TGFBR1: variants seen among roughly 807,000 people sequenced by gnomAD.
The protein encoded by TGFBR1 is TGF-beta receptor type-1.
A neutral mutation model predicts 55.1 loss-of-function variants in TGFBR1; 20 were observed. That is an observed-to-expected ratio of 0.36 (90% CI 0.26 to 0.53). The LOEUF is 0.53. TGFBR1 is among the 20% of genes least tolerant of loss of function. The pLI is 0.91. For missense variants in TGFBR1, 385 were observed against 617.6 expected (o/e 0.62, Z 3.99); for synonymous variants, 220 against 214.8 (o/e 1.02, Z -0.21).
chr9:99,117,349 T>G (rs956733570), intron 1 of TGFBR1, among the ~76,000 whole-genome samples: 11 of 151,772 alleles, frequency 7.2e-5, no homozygotes, highest in Non-Finnish European at 1.3e-4. Flanking sequence ...TCTGCCTGCC[T>G]CGGCCTCCCA....
In TGFBR1 at chr9:99,136,767, G is replaced by A. The variant is rs371767299; in HGVS notation, c.575-1092G>A. Among the ~76,000 whole-genome samples the A allele has an allele frequency of 3.9e-5, 6 of 152,006 alleles. No individual in the cohort carries two copies. The East Asian group carries it at 5.8e-4, about 15-fold the overall frequency. The stretch of plus-strand genomic sequence containing the variant: ...GGATTTATAAGCATTTCACATCAGG[G>A]AACCAAAGAGAGCAGATAATTTCAT... On this transcript the variant is annotated intron_variant, in intron 3 of 8. Transcript: ENST00000374994.
In TGFBR1 at chr9:99,121,292, A is replaced by G. The variant is rs138216773; in HGVS notation, c.98-7563A>G. On this transcript the variant is annotated intron_variant, in intron 1 of 8. Transcript: ENST00000374994. ...TGCAAGGTAGCCCCAGGAGGGTTGA[A>G]TTGAGAAGAACTGAGTATTTTGAGG... Among the ~76,000 whole-genome samples the G allele has an allele frequency of 6.2e-3, 946 of 152,322 alleles. 8 individuals are homozygous for G. Among genetic ancestry groups the G allele is most frequent in the African/African-American group, 0.022 (904 of 41,584 alleles).
chr9:99,108,802 A>G (rs1236572898), intron 1 of TGFBR1, among the ~76,000 whole-genome samples: 4 of 152,244 alleles, frequency 2.6e-5, no homozygotes, highest in African/African-American at 7.2e-5. Flanking sequence ...CCTAAAAGCT[A>G]TAGTACATAG....
chr9:99,130,797 A>G (rs976586319), intron 2 of TGFBR1, among the ~76,000 whole-genome samples: 2 of 152,170 alleles, frequency 1.3e-5, no homozygotes, highest in East Asian at 1.9e-4. Context: ...TACAGGGTCT[A>G]TTTTCAGTTA....
rs1554698880 is a variant in TGFBR1 at position 99,128,855 on chromosome 9, C to T, written c.98C>T (p.Ala33Val). ...TCTAAGAATCTTTCTCTTTTTCCAG[C>T]GTTACAGTGTTTCTGCCACCTCTGT... ...AAAALLPGAT[A>V]LQCFCHLCTK... is the part of the protein sequence containing the mutation. The change falls in exon 2 of 9, where the codon GCG becomes GTG. Residue 33 changes from alanine to valine, a missense_variant and splice_region_variant. Physicochemically the swap from Ala to Val is moderately conservative, Grantham distance 64. Coordinates refer to ENST00000374994, the MANE Select transcript of TGFBR1 (RefSeq NM_004612.4). 1.2e-6 allele frequency: 2 copies of T among 1,613,616 alleles called. No homozygotes were observed. The highest frequency in any genetic ancestry group is 1.7e-6 in the Non-Finnish European group (2 of 1,179,832).
At position 99,124,524 on chromosome 9, in the gene TGFBR1, T is replaced by TG. The variant is rs35128947; in HGVS notation, c.98-4323dup. The stretch of plus-strand genomic sequence containing the variant: ...TTTAAAACCTAGTTGAATAAAAGGT[T>TG]GGGGGGGGCAGTATCCAGGGGCCAA... On this transcript the variant is annotated intron_variant, in intron 1 of 8. Transcript: ENST00000374994. Among the ~76,000 whole-genome samples, 169 of 151,252 alleles carry TG rather than the reference T, an allele frequency of 1.1e-3. 1 individual carries two copies. Among genetic ancestry groups the TG allele is most frequent in the Middle Eastern group, 6.9e-3 (2 of 290 alleles).
rs11568809 is a variant in TGFBR1 at position 99,150,354 on chromosome 9, T to C, written c.*1049T>C. Reference sequence around the variant, plus strand: ...TAAAAGGGAAAGTCTGTCTAGCTGCTTGTGAAAAGTTATGTGGTATTCTGT... The same window carrying C: ...TAAAAGGGAAAGTCTGTCTAGCTGCCTGTGAAAAGTTATGTGGTATTCTGT... On this transcript the variant is annotated 3_prime_UTR_variant, in exon 9 of 9. Transcript: ENST00000374994. 72 of 205,316 alleles carry C rather than the reference T, an allele frequency of 3.5e-4. No individual in the cohort carries two copies. The highest frequency in any genetic ancestry group is 2.3e-3 in the Admixed American group (38 of 16,840). The allele number at this position is 205,316 out of a possible 1,614,324, so 12.7% of individuals were successfully genotyped here. A position where few individuals can be genotyped will look rare whatever the true frequency, so the allele number is the denominator to read the frequency against.
At chr9:99,104,877 G>C (rs948654269), upstream of TGFBR1, among the ~76,000 whole-genome samples, 1 of 152,076 alleles carries the variant, frequency 6.6e-6, no homozygotes, top group Non-Finnish European at 1.5e-5. Flanking sequence ...TCGGAGCCGG[G>C]AGCCGATCGG....
intron 1 of TGFBR1, among the ~76,000 whole-genome samples, chr9:99,112,281 T>G (rs369084472): frequency 6.6e-6 from 1 of 151,376 alleles, no homozygotes. Flanking sequence ...AGGGCCTGTG[T>G]GTGGCTGTTC....
At chr9:99,128,683 T>C in intron 1 of TGFBR1, 172 bp from the exon 2 acceptor site, 1 of 868,782 alleles carries the variant, frequency 1.2e-6, no homozygotes. Context: ...GTTCTTAATA[T>C]AATTTGAAAC....
At chr9:99,133,405 T>G (rs1173184423) in intron 3 of TGFBR1, among the ~76,000 whole-genome samples, 1 of 152,178 alleles carries the variant, frequency 6.6e-6, no homozygotes, top group Non-Finnish European at 1.5e-5. Flanking sequence ...ATTGTCAGAG[T>G]CATCCCAAGG....
chr9:99,132,460 A>T, intron 2 of TGFBR1, 49 bp from the exon 3 acceptor site: 1 of 1,609,564 alleles, frequency 6.2e-7, no homozygotes, highest in South Asian at 1.1e-5. Context: ...TGCCACCTAC[A>T]GTGTTTTTGT....
chr9:99,143,562 C>G (rs1212339372), intron 5 of TGFBR1, among the ~76,000 whole-genome samples: 2 of 152,220 alleles, frequency 1.3e-5, no homozygotes, highest in Non-Finnish European at 2.9e-5. Context: ...ATGGCTCCCC[C>G]ACTCCCCACT....
chr9:99,142,846 C>A, intron 5 of TGFBR1, 143 bp downstream of exon 5: 1 of 879,452 alleles, frequency 1.1e-6, no homozygotes, highest in Non-Finnish European at 1.8e-6. Flanking sequence ...ATCGCCCGAT[C>A]TCAGGAGTTC....
At chr9:99,124,577 A>T (rs1826982665) in intron 1 of TGFBR1, among the ~76,000 whole-genome samples, 1 of 152,128 alleles carries the variant, frequency 6.6e-6, no homozygotes, top group Non-Finnish European at 1.5e-5. Flanking sequence ...ATAAATTTGA[A>T]TTTTTTAAAA....
At chr9:99,129,206 C>G in intron 2 of TGFBR1, 106 bp downstream of exon 2, 2 of 1,281,346 alleles carry the variant, frequency 1.6e-6, no homozygotes, top group Non-Finnish European at 2.2e-6. Context: ...CCAGCTCATT[C>G]CGTTTAGAGG....
At chr9:99,137,575 G>A (rs993887716) in intron 3 of TGFBR1, among the ~76,000 whole-genome samples, 4 of 152,030 alleles carry the variant, frequency 2.6e-5, no homozygotes, top group African/African-American at 9.7e-5. Flanking sequence ...CATTCTTCCT[G>A]CCTAACCACC....
At chr9:99,128,587 T>C in intron 1 of TGFBR1, 1 of 540,978 alleles carries the variant, frequency 1.8e-6, no homozygotes, top group Non-Finnish European at 3.4e-6. Flanking sequence ...CATAACAAAA[T>C]TTTTCTATAC....
chr9:99,117,050 A>G (rs562381017), intron 1 of TGFBR1, among the ~76,000 whole-genome samples: 62 of 152,266 alleles, frequency 4.1e-4, no homozygotes, highest in African/African-American at 1.4e-3. Flanking sequence ...TGCAACCACA[A>G]TTTAACTGCT....
Sources: allele counts gnomAD v4.1 joint callset (sites outside exome capture counted in the v4.1 genomes callset), GRCh38; gene constraint gnomAD v4.1.1; transcripts MANE v1.5; gene names NCBI Gene and HGNC (gene_info 2026-07-23, HGNC 2026-07-21).